PARD3: variants seen among roughly 807,000 people sequenced by gnomAD.
The protein encoded by PARD3 is par-3 family cell polarity regulator.
PARD3 carries 75 observed loss-of-function variants against 155.4 expected under a neutral mutation model. The observed-to-expected ratio is 0.48, with a 90% CI of 0.40 to 0.58. PARD3 has a LOEUF of 0.58. Ranked by LOEUF, PARD3 falls within the 20% of genes least tolerant of loss-of-function variation. The probability of loss-of-function intolerance (pLI) is 0.00; values close to 1 mark genes in which losing one functional copy is unlikely to be tolerated. For synonymous variants in PARD3, 576 were observed against 610.5 expected, an observed-to-expected ratio of 0.94 and a Z score of 0.83; for missense variants, 1,642 against 1,721.7, an observed-to-expected ratio of 0.95 and a Z score of 0.82.
chr10:34,437,736 A>G (rs2076258525), intron 5 of PARD3, among the ~76,000 whole-genome samples: 1 of 152,328 alleles, frequency 6.6e-6, no homozygotes, highest in Middle Eastern at 3.4e-3. Flanking sequence ...TGGAGGGAAT[A>G]TTTAACTATG....
At chr10:34,515,759 C>T (rs1029823843) in intron 3 of PARD3, among the ~76,000 whole-genome samples, 1 of 152,062 alleles carries the variant, frequency 6.6e-6, no homozygotes, top group Non-Finnish European at 1.5e-5. Flanking sequence ...AATTAGGATG[C>T]ATTTTTAGAA....
At chr10:34,479,576 G>A (rs563090054) in intron 3 of PARD3, among the ~76,000 whole-genome samples, 4 of 152,176 alleles carry the variant, frequency 2.6e-5, no homozygotes, top group South Asian at 2.1e-4. Flanking sequence ...CATTATTTCC[G>A]ATAATATTCT....
intron 2 of PARD3, among the ~76,000 whole-genome samples, chr10:34,577,955 G>A (rs952864279): frequency 6.6e-6 from 1 of 151,590 alleles, no homozygotes; most frequent in African/African-American, 2.4e-5. Context: ...GGGCTCATGC[G>A]ATCCTCCTGC....
chr10:34,796,270 G>A (rs890552023), intron 1 of PARD3, among the ~76,000 whole-genome samples: 3 of 152,068 alleles, frequency 2.0e-5, no homozygotes, highest in African/African-American at 7.2e-5. Flanking sequence ...GATTTTCCAG[G>A]CCAGGTCATC....
intron 22 of PARD3, among the ~76,000 whole-genome samples, chr10:34,241,377 A>G (rs1314910284): frequency 2.0e-5 from 3 of 152,048 alleles, no homozygotes; most frequent in Admixed American, 6.6e-5. Context: ...CTGGACAGTG[A>G]ACACTGGGGA....
In PARD3 at chr10:34,341,614, A is replaced by T; in HGVS notation, c.2408+13T>A. ...ATTAATTCATGTTTTCCAACCCTGG[A>T]CGATGAGCTTACCAGTCGGCTGAAT... is the stretch of plus-strand genomic sequence containing the variant. On this transcript the variant is annotated intron_variant, in intron 16 of 24. Transcript: ENST00000374788. The T allele has an allele frequency of 6.2e-7, 1 of 1,605,558 alleles. No individual in the cohort carries two copies. Among genetic ancestry groups the T allele is most frequent in the Non-Finnish European group, 8.5e-7 (1 of 1,175,774 alleles).
chr10:34,135,896 A>G (rs1473850027), intron 22 of PARD3, among the ~76,000 whole-genome samples: 1 of 152,226 alleles, frequency 6.6e-6, no homozygotes, highest in East Asian at 1.9e-4. Flanking sequence ...GTATATGGAC[A>G]ACACTCTGAA....
intron 2 of PARD3, among the ~76,000 whole-genome samples, chr10:34,654,651 C>A (rs775421760): frequency 1.3e-5 from 2 of 152,212 alleles, no homozygotes; most frequent in Admixed American, 6.5e-5. Context: ...TTTCCCACAA[C>A]CCATTTGCCC....
chr10:34,121,026 C>A (rs1946969749), intron 23 of PARD3, among the ~76,000 whole-genome samples: 2 of 151,262 alleles, frequency 1.3e-5, no homozygotes, highest in South Asian at 4.2e-4. Flanking sequence ...CCATTGCACT[C>A]CAGCCTGGGT....
intron 15 of PARD3, chr10:34,346,319 G>C (rs757916398): frequency 7.9e-7 from 1 of 1,263,992 alleles, no homozygotes; most frequent in Non-Finnish European, 1.0e-6. Context: ...GCTGAATTTA[G>C]GGATTTTTTT....
intron 3 of PARD3, among the ~76,000 whole-genome samples, chr10:34,508,644 T>TA (rs1254630051): frequency 6.6e-6 from 1 of 152,218 alleles, no homozygotes; most frequent in Non-Finnish European, 1.5e-5. Flanking sequence ...GCTTCAGATC[T>TA]AAGCCTGATT....
At chr10:34,121,657 C>G (rs913356930) in intron 23 of PARD3, among the ~76,000 whole-genome samples, 5 of 152,338 alleles carry the variant, frequency 3.3e-5, no homozygotes, top group Admixed American at 2.0e-4. Context: ...AAAGCCAGCA[C>G]AACCTTACTT....
At chr10:34,212,939 T>C (rs1951826256) in intron 22 of PARD3, among the ~76,000 whole-genome samples, 1 of 152,192 alleles carries the variant, frequency 6.6e-6, no homozygotes, top group South Asian at 2.1e-4. Flanking sequence ...TCTTCATCTA[T>C]TTCACTCTTA....
At chr10:34,804,524 G>C (rs550719335) in intron 1 of PARD3, among the ~76,000 whole-genome samples, 2 of 152,318 alleles carry the variant, frequency 1.3e-5, no homozygotes, top group South Asian at 4.1e-4. Flanking sequence ...TGTAATAAAA[G>C]AAATCCAAGT....
intron 2 of PARD3, among the ~76,000 whole-genome samples, chr10:34,600,940 A>G (rs978292271): frequency 4.9e-5 from 7 of 143,404 alleles, no homozygotes; most frequent in Non-Finnish European, 1.5e-5. Flanking sequence ...AGCACGTGCC[A>G]CCATGCCCGC....
intron 24 of PARD3, among the ~76,000 whole-genome samples, chr10:34,115,782 G>A (rs938670295): frequency 6.0e-5 from 9 of 150,032 alleles, no homozygotes; most frequent in Non-Finnish European, 8.9e-5. Context: ...GCGCGATCTC[G>A]GCTCACTGCA....
At chr10:34,340,521 T>C (rs1836695217) in intron 16 of PARD3, among the ~76,000 whole-genome samples, 1 of 152,206 alleles carries the variant, frequency 6.6e-6, no homozygotes, top group Non-Finnish European at 1.5e-5. Context: ...TTAAATCCTG[T>C]GCTTTCAAAA....
chr10:34,299,610 G>C (rs2804548), intron 20 of PARD3, among the ~76,000 whole-genome samples: 78,229 of 152,048 alleles, frequency 0.51, 20,169 homozygotes, highest in Middle Eastern at 0.6. Flanking sequence ...AATTCTGTCA[G>C]ATAGACAGGA....
chr10:34,787,330 G>A (rs1178437209), intron 1 of PARD3, among the ~76,000 whole-genome samples: 2 of 152,198 alleles, frequency 1.3e-5, no homozygotes, highest in African/African-American at 2.4e-5. Context: ...AGTGAGCCAA[G>A]ATCGCGCCAC....
Sources: gnomAD v4.1 joint callset for allele counts (sites outside exome capture counted in the v4.1 genomes callset) on GRCh38, gnomAD v4.1.1 for gene constraint, MANE v1.5 for transcripts, NCBI Gene and HGNC (gene_info 2026-07-23, HGNC 2026-07-21) for gene names.